Variants in HIP1 observed in about 807,000 individuals in gnomAD.
The protein encoded by HIP1 is huntingtin-interacting protein 1.
In HIP1, 65 loss-of-function variants were observed where a neutral mutation model predicts 147.6. That is an observed-to-expected ratio of 0.44 (90% CI 0.36 to 0.54). The LOEUF (loss-of-function observed/expected upper bound fraction) is 0.54. Among genes scored for constraint, HIP1 ranks in the 20% least tolerant of loss-of-function variants. The pLI is 0.00. For missense variants in HIP1, 1,061 were observed against 1,299.6 expected (o/e 0.82, Z 2.82); for synonymous variants, 479 against 504.0 (o/e 0.95, Z 0.67).
At chr7:75,615,980 GC>G (rs1797639207) in intron 1 of HIP1, among the ~76,000 whole-genome samples, 1 of 149,926 alleles carries the variant, frequency 6.7e-6, no homozygotes, top group Non-Finnish European at 1.5e-5. Context: ...CAGCTACTCA[GC>G]AGGCTGAGGC....
chr7:75,706,489 T>A (rs1277741466), intron 1 of HIP1, among the ~76,000 whole-genome samples: 1 of 145,594 alleles, frequency 6.9e-6, no homozygotes, highest in Non-Finnish European at 1.5e-5. Flanking sequence ...TTTTATTTTT[T>A]TTTTATTTTT....
At chr7:75,634,944 A>G (rs1367626615) in intron 1 of HIP1, among the ~76,000 whole-genome samples, 7 of 63,116 alleles carry the variant, frequency 1.1e-4, no homozygotes, top group African/African-American at 4.7e-4. Context: ...TATCTCTGAA[A>G]AAAAAAAAAA....
chr7:75,657,855 G>A (rs1198786397), intron 1 of HIP1, among the ~76,000 whole-genome samples: 5 of 151,810 alleles, frequency 3.3e-5, no homozygotes, highest in East Asian at 3.9e-4. Context: ...ATATCCATGC[G>A]ACAAACCTGC....
intron 1 of HIP1, among the ~76,000 whole-genome samples, chr7:75,732,703 C>G (rs1436535273): frequency 6.6e-6 from 1 of 152,152 alleles, no homozygotes; most frequent in African/African-American, 2.4e-5. Flanking sequence ...TTTTGACTCT[C>G]TAAAGGTTTG....
intron 1 of HIP1, among the ~76,000 whole-genome samples, chr7:75,630,441 T>C (rs587616356): frequency 2.3e-5 from 3 of 133,000 alleles, no homozygotes; most frequent in Admixed American, 8.6e-5. Flanking sequence ...GCATGGAGGA[T>C]AGACCGAGAT....
intron 30 of HIP1, 103 bp downstream of exon 30, chr7:75,539,220 G>T: frequency 2.6e-6 from 2 of 758,214 alleles, no homozygotes; most frequent in Non-Finnish European, 4.6e-6. Flanking sequence ...AGAAGCCACC[G>T]ATCTGGTGGG....
At chr7:75,579,394 C>T (rs1201730846) in intron 7 of HIP1, among the ~76,000 whole-genome samples, 1 of 152,102 alleles carries the variant, frequency 6.6e-6, no homozygotes, top group African/African-American at 2.4e-5. Flanking sequence ...TGAGTTCAAG[C>T]CATTCTCCTG....
rs140702722 is a variant in HIP1 at position 75,562,991 on chromosome 7, C to T, written c.964G>A (p.Asp322Asn). The T allele has an allele frequency of 4.3e-5, 70 of 1,614,042 alleles. No individual in the cohort carries two copies. The highest frequency in any genetic ancestry group is 9.9e-5 in the South Asian group (9 of 91,084). Residue 322 changes from aspartate to asparagine, a missense_variant, in exon 11 of 31, where the codon GAC (aspartate) becomes AAC (asparagine). Coordinates refer to ENST00000336926, the MANE Select transcript of HIP1 (RefSeq NM_005338.7). ...TCCTTCTCTAGGACTGGCTCGCTGT[C>T]GGGGGATGAGGCCTCTGCAGGGATC... The part of the protein sequence containing the change: ...VVIPAEASSP[D>N]SEPVLEKDDL...
chr7:75,717,066 G>A (rs956289624), intron 1 of HIP1, among the ~76,000 whole-genome samples: 8 of 151,942 alleles, frequency 5.3e-5, no homozygotes, highest in South Asian at 2.1e-4. Context: ...CAATCCTCTC[G>A]CCCCTGCCTC....
At chr7:75,645,690 AG>A (rs1554511050) in intron 1 of HIP1, among the ~76,000 whole-genome samples, 1 of 152,228 alleles carries the variant, frequency 6.6e-6, no homozygotes, top group African/African-American at 2.4e-5. Context: ...GCATCAACCC[AG>A]GTGCCCATCA....
At chr7:75,641,337 G>A (rs1182270466) in intron 1 of HIP1, among the ~76,000 whole-genome samples, 1 of 151,856 alleles carries the variant, frequency 6.6e-6, no homozygotes, top group Non-Finnish European at 1.5e-5. Context: ...CCCTTCAGGA[G>A]TTTGAGAACT....
At chr7:75,735,596 C>T (rs1801993872) in intron 1 of HIP1, among the ~76,000 whole-genome samples, 2 of 152,110 alleles carry the variant, frequency 1.3e-5, no homozygotes, top group South Asian at 4.1e-4. Flanking sequence ...CCTCATAATA[C>T]ATTTGATAGG....
At chr7:75,728,206 A>AT (rs1801714873) in intron 1 of HIP1, among the ~76,000 whole-genome samples, 1 of 152,244 alleles carries the variant, frequency 6.6e-6, no homozygotes, top group Non-Finnish European at 1.5e-5. Flanking sequence ...TTGTGGCAGT[A>AT]TTAGCAGAGG....
At chr7:75,651,865 T>C (rs1169771949) in intron 1 of HIP1, among the ~76,000 whole-genome samples, 1 of 151,798 alleles carries the variant, frequency 6.6e-6, no homozygotes, top group African/African-American at 2.4e-5. Context: ...ATTAAAGCAC[T>C]GGGCATGGTG....
At chr7:75,645,888 T>A (rs958591765) in intron 1 of HIP1, among the ~76,000 whole-genome samples, 13 of 152,220 alleles carry the variant, frequency 8.5e-5, no homozygotes, top group African/African-American at 2.9e-4. Flanking sequence ...GAGCTCAACA[T>A]TGGGTGCAAG....
intron 1 of HIP1, among the ~76,000 whole-genome samples, chr7:75,705,064 G>A (rs537503061): frequency 6.6e-6 from 1 of 152,284 alleles, no homozygotes; most frequent in Admixed American, 6.5e-5. Flanking sequence ...TAAGTGTACA[G>A]TTCACTGGCA....
chr7:75,599,369 G>T (rs913278433), intron 1 of HIP1, 122 bp from the exon 2 acceptor site: 24 of 759,158 alleles, frequency 3.2e-5, no homozygotes, highest in Admixed American at 2.1e-5. Flanking sequence ...CAGCCCCACG[G>T]GTGGTCGGTT....
intron 1 of HIP1, among the ~76,000 whole-genome samples, chr7:75,709,730 G>A (rs1250848184): frequency 3.9e-5 from 6 of 152,134 alleles, no homozygotes; most frequent in Non-Finnish European, 7.3e-5. Context: ...GAATATAAGT[G>A]GCAAAGTTAG....
In HIP1 at chr7:75,588,802, C is replaced by CA. The variant is rs200401001; in HGVS notation, c.385-1970dup. ...CAGCAACAACAACCACCTTCCCCCG[C>CA]AAAAAACAAGCAGATTTGAAAAAAA... On this transcript the variant is annotated intron_variant, in intron 4 of 30. Coordinates refer to ENST00000336926, the MANE Select transcript of HIP1 (RefSeq NM_005338.7). 9.7e-3 allele frequency among the ~76,000 whole-genome samples: 1,466 copies of CA among 151,166 alleles called. 26 individuals carry two copies. The highest frequency in any genetic ancestry group is 0.026 in the African/African-American group (1,053 of 41,184).
Sources: gnomAD v4.1 joint callset for allele counts (sites outside exome capture counted in the v4.1 genomes callset) on GRCh38, gnomAD v4.1.1 for gene constraint, MANE v1.5 for transcripts, NCBI Gene and HGNC (gene_info 2026-07-23, HGNC 2026-07-21) for gene names.